Variants in GPM6A observed in about 807,000 individuals in gnomAD.
GPM6A encodes neuronal membrane glycoprotein M6-a.
In GPM6A, 7 loss-of-function variants were observed where a neutral mutation model predicts 32.1. The observed-to-expected ratio is 0.22, with a 90% CI of 0.12 to 0.41. The LOEUF is 0.41. Ranked by LOEUF, GPM6A falls within the 10% of genes least tolerant of loss-of-function variation. The pLI is 1.00. For missense variants in GPM6A, 235 were observed against 347.2 expected, an observed-to-expected ratio of 0.68 and a Z score of 2.57; for synonymous variants, 130 against 123.4, an observed-to-expected ratio of 1.05 and a Z score of -0.35.
intron 1 of GPM6A, among the ~76,000 whole-genome samples, chr4:175,749,882 C>T (rs950655072): frequency 6.6e-6 from 1 of 152,178 alleles, no homozygotes; most frequent in African/African-American, 2.4e-5. Flanking sequence ...GCTGCCCCCA[C>T]ATCATCTATG....
intron 1 of GPM6A, among the ~76,000 whole-genome samples, chr4:175,862,389 A>G (rs1403295938): frequency 6.6e-6 from 1 of 152,188 alleles, no homozygotes; most frequent in Non-Finnish European, 1.5e-5. Context: ...ACTGAATCAT[A>G]CACTATTAAT....
At chr4:175,990,842 A>T (rs945350485) in intron 1 of GPM6A, among the ~76,000 whole-genome samples, 2 of 152,022 alleles carry the variant, frequency 1.3e-5, no homozygotes, top group Non-Finnish European at 2.9e-5. Context: ...ATGTAAGGGG[A>T]TTTCTCTTAA....
At chr4:175,906,599 C>T in intron 1 of GPM6A, 1 of 152,156 alleles carries the variant, frequency 6.6e-6, no homozygotes, top group Non-Finnish European at 1.5e-5. Context: ...GTCTGCATGT[C>T]ACCACCTCCG....
At chr4:175,999,513 C>T (rs1240841239) in intron 1 of GPM6A, among the ~76,000 whole-genome samples, 1 of 149,142 alleles carries the variant, frequency 6.7e-6, no homozygotes, top group Non-Finnish European at 1.5e-5. Context: ...AATTTGCCTA[C>T]TTTGCAAATA....
At chr4:175,775,664 A>G (rs772381130) in intron 1 of GPM6A, among the ~76,000 whole-genome samples, 2 of 152,156 alleles carry the variant, frequency 1.3e-5, no homozygotes, top group Non-Finnish European at 1.5e-5. Context: ...AGGACTACCT[A>G]TTAATTGTCA....
chr4:175,880,186 C>T (rs1737224370), intron 1 of GPM6A, among the ~76,000 whole-genome samples: 1 of 152,120 alleles, frequency 6.6e-6, no homozygotes, highest in African/African-American at 2.4e-5. Context: ...TGTCAAAGAT[C>T]AGGTAGTTGT....
intron 1 of GPM6A, among the ~76,000 whole-genome samples, chr4:175,827,624 T>C (rs1344068107): frequency 7.9e-5 from 12 of 152,224 alleles, no homozygotes; most frequent in Admixed American, 7.2e-4. Context: ...AGCTGGATTA[T>C]TTCTCATTGC....
chr4:175,984,713 T>C (rs1740922185), intron 1 of GPM6A, among the ~76,000 whole-genome samples: 1 of 152,222 alleles, frequency 6.6e-6, no homozygotes, highest in Admixed American at 6.5e-5. Context: ...TATATTTTTA[T>C]TGTTTTTTAC....
intron 1 of GPM6A, among the ~76,000 whole-genome samples, chr4:175,989,864 A>T (rs1014322667): frequency 6.6e-6 from 1 of 152,174 alleles, no homozygotes; most frequent in African/African-American, 2.4e-5. Flanking sequence ...GAATAATCAT[A>T]AATGTTTCTG....
intron 1 of GPM6A, among the ~76,000 whole-genome samples, chr4:175,709,324 CCT>C (rs563345313): frequency 2.7e-5 from 4 of 149,010 alleles, no homozygotes; most frequent in Admixed American, 6.7e-5. Context: ...TCTACGTGGG[CCT>C]CTCTCTCTCT....
chr4:175,794,762 G>A (rs1427650849), intron 1 of GPM6A, among the ~76,000 whole-genome samples: 5 of 152,234 alleles, frequency 3.3e-5, no homozygotes, highest in Non-Finnish European at 4.4e-5. Context: ...TACACATCAC[G>A]TGAGGGCATG....
At chr4:175,637,744 AAATAT>A (rs1338395694) in intron 6 of GPM6A, among the ~76,000 whole-genome samples, 1 of 71,424 alleles carries the variant, frequency 1.4e-5, no homozygotes, top group African/African-American at 6.6e-5. Context: ...TATTATATAA[AAATAT>A]AATATATAAT....
At chr4:175,684,146 T>A (rs1366897384) in intron 2 of GPM6A, among the ~76,000 whole-genome samples, 1 of 152,160 alleles carries the variant, frequency 6.6e-6, no homozygotes, top group East Asian at 1.9e-4. Context: ...TTTTAATATA[T>A]ATACATTATT....
At chr4:175,744,713 T>C (rs1732027795) in intron 1 of GPM6A, among the ~76,000 whole-genome samples, 1 of 152,158 alleles carries the variant, frequency 6.6e-6, no homozygotes. Flanking sequence ...TCCCATTCAC[T>C]TTTCCCTAGC....
chr4:175,772,990 A>G (rs17061997), intron 1 of GPM6A, among the ~76,000 whole-genome samples: 1,653 of 152,358 alleles, frequency 0.011, 33 homozygotes, highest in African/African-American at 0.037. Flanking sequence ...ATAAATCAGC[A>G]TACTAAAAGC....
chr4:175,793,977 T>C (rs1734113220), intron 1 of GPM6A, among the ~76,000 whole-genome samples: 1 of 151,820 alleles, frequency 6.6e-6, no homozygotes, highest in African/African-American at 2.4e-5. Flanking sequence ...CCTTTGTCAA[T>C]TTATGTCATC....
At chr4:175,894,228 C>A (rs965430142) in intron 1 of GPM6A, among the ~76,000 whole-genome samples, 1 of 151,528 alleles carries the variant, frequency 6.6e-6, no homozygotes, top group Admixed American at 6.6e-5. Flanking sequence ...TTTTTTAGTT[C>A]TTTGAAGATA....
At chr4:175,997,829 ATGTGTATACTCT>A (rs953786640) in intron 1 of GPM6A, among the ~76,000 whole-genome samples, 1 of 152,178 alleles carries the variant, frequency 6.6e-6, no homozygotes, top group Non-Finnish European at 1.5e-5. Context: ...TCTTGTCAAA[ATGTGTATACTCT>A]TAAATCTAAT....
chr4:175,747,269 CAAAAAA>C (rs5864346), intron 1 of GPM6A, among the ~76,000 whole-genome samples: 1 of 109,516 alleles, frequency 9.1e-6, no homozygotes. Context: ...ACTCCATCTC[CAAAAAA>C]AAAAAAAAAA....
Sources: allele counts gnomAD v4.1 joint callset (sites outside exome capture counted in the v4.1 genomes callset), GRCh38; gene constraint gnomAD v4.1.1; transcripts MANE v1.5; gene names NCBI Gene and HGNC (gene_info 2026-07-23, HGNC 2026-07-21).